The following ZBED6 variants were observed in gnomAD, a reference collection of about 807,000 sequenced individuals.
ZBED6 encodes zinc finger BED domain-containing protein 6.
In ZBED6, 40 loss-of-function variants were observed where a neutral mutation model predicts 58.4. The ratio of observed to expected loss-of-function variants is 0.68; its 90% CI spans 0.53 to 0.89. The LOEUF is 0.89. ZBED6 is among the 40% of genes least tolerant of loss of function. The pLI, the probability that ZBED6 is intolerant of heterozygous loss-of-function variation, is 0.00. For missense variants in ZBED6, 1,057 were observed against 1,003.9 expected, an observed-to-expected ratio of 1.05 and a Z score of -0.71; for synonymous variants, 439 against 350.6, an observed-to-expected ratio of 1.25 and a Z score of -2.82.
chr1:203,812,673 C>T (rs1027133430), intron 1 of ZBED6, among the ~76,000 whole-genome samples: 24 of 149,672 alleles, frequency 1.6e-4, no homozygotes, highest in Middle Eastern at 3.5e-3. Context: ...CCTCTGCCTC[C>T]TAGGTTCAAA....
At position 203,797,720 on chromosome 1, in the gene ZBED6, G is replaced by A. The variant is rs183154956; in HGVS notation, c.198G>A (p.Lys66=). The A allele has an allele frequency of 2.5e-4, 380 of 1,535,172 alleles. 2 individuals carry two copies. In the African/African-American group the frequency reaches 4.0e-3, roughly 16 times the overall value. ...AGCCTGCTAAAAAGAAAAGAAAGAA[G>A]GGTTTGCGAATTAAGGGGAAAAGGC... Residue 66 remains lysine (K), a synonymous_variant, in exon 1 of 17, where the codon AAG becomes AAA. Transcript: ENST00000550078.
At position 203,847,100 on chromosome 1, in the gene ZBED6, G is replaced by A. The variant is rs1014952566; in HGVS notation, c.*3742-84G>A. 3 of 1,451,326 alleles carry A rather than the reference G, an allele frequency of 2.1e-6. No individual in the cohort carries two copies. In the Admixed American group the frequency reaches 5.9e-5, roughly 28 times the overall value. The allele number at this position is 1,451,326 out of a possible 1,614,324, so 89.9% of individuals were successfully genotyped here. A position where few individuals can be genotyped will look rare whatever the true frequency, so the allele number is the denominator to read the frequency against. ...TTAAATGATAGCTCTCTGTTGGACT[G>A]TCTTGATCCAAGAATAGAGAGATCA... On this transcript the variant is annotated intron_variant, in intron 11 of 16. Transcript: ENST00000550078.
chr1:203,797,999 C>T, exon 1 of ZBED6: 1 of 1,533,756 alleles, frequency 6.5e-7, no homozygotes, highest in Middle Eastern at 1.7e-4. Flanking sequence ...AAAGCGTCAG[C>T]AGGGGTAAAC....
intron 14 of ZBED6, 76 bp downstream of exon 14, chr1:203,850,102 C>T: frequency 2.2e-6 from 3 of 1,337,084 alleles, no homozygotes; most frequent in Non-Finnish European, 3.1e-6. Context: ...CCAGTAACTT[C>T]CTGGCAACAA....
At chr1:203,833,800 C>G (rs1467208575) in exon 9 of ZBED6, 3 of 1,605,770 alleles carry the variant, frequency 1.9e-6, no homozygotes, top group South Asian at 2.2e-5. Context: ...GGAGAAGAAC[C>G]CTTGGTTAGA....
chr1:203,798,827 G>C, exon 1 of ZBED6: 4 of 1,536,136 alleles, frequency 2.6e-6, no homozygotes, highest in Non-Finnish European at 2.6e-6. Flanking sequence ...CCTTTCAGAG[G>C]TTCATGCAGA....
At chr1:203,835,282 G>C (rs1683922443) in intron 9 of ZBED6, among the ~76,000 whole-genome samples, 1 of 152,208 alleles carries the variant, frequency 6.6e-6, no homozygotes, top group Non-Finnish European at 1.5e-5. Context: ...TGGCAACCAT[G>C]AGTAAACCAT....
At chr1:203,808,536 A>G (rs1190456335) in intron 1 of ZBED6, among the ~76,000 whole-genome samples, 1 of 152,186 alleles carries the variant, frequency 6.6e-6, no homozygotes, top group Non-Finnish European at 1.5e-5. Flanking sequence ...AATCTCTACA[A>G]ATTCCATTCC....
chr1:203,802,094 A>G (rs1670694519), exon 1 of ZBED6: 2 of 152,606 alleles, frequency 1.3e-5, no homozygotes, highest in Admixed American at 1.3e-4. Context: ...CCAGTTTAGA[A>G]TGGCTATAAT....
chr1:203,847,377 A>C (rs1311088993), exon 12 of ZBED6: 1 of 1,614,000 alleles, frequency 6.2e-7, no homozygotes, highest in Admixed American at 1.7e-5. Flanking sequence ...TCCTGGCTGA[A>C]AAAAAACATC....
chr1:203,824,697 G>A (rs967371356), intron 3 of ZBED6, among the ~76,000 whole-genome samples: 1 of 152,138 alleles, frequency 6.6e-6, no homozygotes, highest in African/African-American at 2.4e-5. Flanking sequence ...GTTGGTGGTG[G>A]TGCTGCTTAA....
chr1:203,800,520 C>T (rs1380478425), exon 1 of ZBED6: 2 of 1,401,516 alleles, frequency 1.4e-6, no homozygotes, highest in African/African-American at 1.5e-5. Context: ...ATCTTAATAG[C>T]TGTAGTTGTT....
chr1:203,844,710 C>A (rs767459126), intron 11 of ZBED6, among the ~76,000 whole-genome samples: 1 of 152,074 alleles, frequency 6.6e-6, no homozygotes, highest in Non-Finnish European at 1.5e-5. Flanking sequence ...TACTAACAGG[C>A]AGCTTGTATG....
chr1:203,805,966 G>A, intron 1 of ZBED6: 1 of 608,422 alleles, frequency 1.6e-6, no homozygotes. Context: ...CGTGGTCTTG[G>A]TATCCTTCAA....
intron 12 of ZBED6, 111 bp downstream of exon 12, chr1:203,847,798 G>A (rs1257090738): frequency 1.9e-5 from 28 of 1,447,354 alleles, no homozygotes; most frequent in South Asian, 1.1e-4. Flanking sequence ...CTCAGATAAC[G>A]TTGAAAACAC....
chr1:203,834,170 G>A (rs747371873), intron 9 of ZBED6: 11 of 736,758 alleles, frequency 1.5e-5, no homozygotes, highest in Non-Finnish European at 1.9e-5. Flanking sequence ...AAAATGATTG[G>A]TTAATATAAT....
rs189586911 is a variant in ZBED6 at position 203,825,373 on chromosome 1, A to T, written c.*2874-2926A>T. On this transcript the variant is annotated intron_variant, in intron 3 of 16. Coordinates refer to ENST00000550078, the Ensembl canonical transcript of ZBED6. Reference sequence around the variant, plus strand: ...GTTTTATCTTTGGATCATGTGCTGTATTACTGTTAAAAATGTGAAGACATA... The same window carrying T: ...GTTTTATCTTTGGATCATGTGCTGTTTTACTGTTAAAAATGTGAAGACATA... Among the ~76,000 whole-genome samples, 7 of 150,466 alleles carry T rather than the reference A, an allele frequency of 4.7e-5. No homozygotes were observed. In the East Asian group the frequency reaches 1.4e-3, roughly 29 times the overall value.
exon 1 of ZBED6, chr1:203,799,473 A>G (rs1361126987): frequency 2.8e-6 from 2 of 703,036 alleles, no homozygotes; most frequent in Non-Finnish European, 5.2e-6. Context: ...TTGGATTTCT[A>G]CTTTTTATAT....
chr1:203,840,777 G>A (rs1222814304), intron 11 of ZBED6, among the ~76,000 whole-genome samples: 1 of 151,982 alleles, frequency 6.6e-6, no homozygotes. Flanking sequence ...AGAATTACAG[G>A]CGTACGCCAC....
Sources: allele counts gnomAD v4.1 joint callset (sites outside exome capture counted in the v4.1 genomes callset), GRCh38; gene constraint gnomAD v4.1.1; transcripts MANE v1.5; gene names NCBI Gene and HGNC (gene_info 2026-07-23, HGNC 2026-07-21).